RSRP1: variants seen among roughly 807,000 people sequenced by gnomAD.
RSRP1 encodes the protein arginine/serine-rich protein 1.
A neutral mutation model predicts 33.0 loss-of-function variants in RSRP1; 37 were observed. That is an observed-to-expected ratio of 1.12 (90% CI 0.86 to 1.48). RSRP1 has a LOEUF of 1.48. RSRP1 is among the 40% of genes most tolerant of loss of function. The pLI, the probability that RSRP1 is intolerant of heterozygous loss-of-function variation, is 0.00. For synonymous variants in RSRP1, 167 were observed against 158.7 expected (o/e 1.05, Z -0.40); for missense variants, 402 against 385.3 (o/e 1.04, Z -0.36).
intron 1 of RSRP1, chr1:25,267,950 C>A (rs1267719633): frequency 1.5e-5 from 2 of 133,332 alleles, no homozygotes; most frequent in African/African-American, 5.1e-5. Context: ...CCTCCGGACC[C>A]GGCGCCCCGC....
intron 1 of RSRP1, among the ~76,000 whole-genome samples, chr1:25,310,073 C>T (rs550679763): frequency 1.5e-5 from 2 of 132,374 alleles, no homozygotes; most frequent in East Asian, 2.0e-4. Context: ...CTTCTGATAT[C>T]CCCACATAAC....
Position 25,305,854 on chromosome 1 carries a change from G to A in RSRP1, c.-67+32124C>T, listed in dbSNP as rs1283208423. Among the ~76,000 whole-genome samples the A allele has an allele frequency of 2.3e-5, 3 of 130,808 alleles. 1 individual carries two copies. The highest frequency in any genetic ancestry group is 5.4e-5 in the Non-Finnish European group (3 of 55,580). 85.8% of individuals were successfully genotyped at this position (130,808 alleles called of 152,430 possible). A position where few individuals can be genotyped will look rare whatever the true frequency, so the allele number is the denominator to read the frequency against. On this transcript the variant is annotated intron_variant, in intron 1 of 1. Transcript: ENST00000561867. ...CGACTTCAGGTGATCCACCCATGTC[G>A]GCCTCCCAAAGTGCTGGGATTACAG...
chr1:25,266,065 T>C lies in RSRP1; in HGVS notation c.-66-19036A>G, dbSNP rs1314630083. On this transcript the variant is annotated intron_variant, in intron 1 of 1. Coordinates refer to the RSRP1 transcript ENST00000561867. ...AATATACCACAATAATGAAAGCCATTAATTATAGGGAAAATGGAGGGGTTA... is the reference window on the plus strand; with the variant it reads ...AATATACCACAATAATGAAAGCCATCAATTATAGGGAAAATGGAGGGGTTA... 3 of 123,534 alleles carry C rather than the reference T, an allele frequency of 2.4e-5. 1 individual carries two copies. Among genetic ancestry groups the C allele is most frequent in the Middle Eastern group, 3.9e-3 (1 of 256 alleles). The allele number at this position is 123,534 out of a possible 1,614,324, so 7.7% of individuals were successfully genotyped here. A position where few individuals can be genotyped will look rare whatever the true frequency, so the allele number is the denominator to read the frequency against.
rs1351366827 is a variant in RSRP1, at chr1:25,293,919, T to A, written c.-67+44059A>T. Among the ~76,000 whole-genome samples, 3 of 131,920 alleles carry A rather than the reference T, an allele frequency of 2.3e-5. 1 individual carries two copies. The highest frequency in any genetic ancestry group is 3.6e-5 in the Non-Finnish European group (2 of 55,996). The allele number at this position is 131,920 out of a possible 152,430, so 86.5% of individuals were successfully genotyped here. The stretch of plus-strand genomic sequence containing the variant: ...ATGTTTAGTTATATTGTGAGTCTTA[T>A]AAGAAGCTGGGAGGCAACCCCATTA... On this transcript the variant is annotated intron_variant, in intron 1 of 1. Coordinates refer to the RSRP1 transcript ENST00000561867.
intron 1 of RSRP1, among the ~76,000 whole-genome samples, chr1:25,261,612 G>T: frequency 6.6e-6 from 1 of 151,318 alleles, no homozygotes; most frequent in African/African-American, 2.4e-5. Context: ...CACCATGTTA[G>T]CCAGGATGGT....
At position 25,267,932 on chromosome 1, in the gene RSRP1, C is replaced by G. The variant is rs1473682407; in HGVS notation, c.-66-20903G>C. The stretch of plus-strand genomic sequence containing the variant: ...TGCGCAGACGCGTTGTTGTGGTGGG[C>G]GTGGCTCCCTCCGGACCCGGCGCCC... On this transcript the variant is annotated intron_variant, in intron 1 of 1. Transcript: ENST00000561867. The G allele has an allele frequency of 1.5e-5, 2 of 132,954 alleles. 1 individual carries two copies. The highest frequency in any genetic ancestry group is 3.6e-5 in the Non-Finnish European group (2 of 56,020). 8.2% of individuals were successfully genotyped at this position (132,954 alleles called of 1,614,324 possible).
chr1:25,258,731 T>C (rs1256283690), intron 1 of RSRP1, among the ~76,000 whole-genome samples: 1 of 152,228 alleles, frequency 6.6e-6, no homozygotes, highest in Non-Finnish European at 1.5e-5. Flanking sequence ...CCAAATACTT[T>C]GAGTATTAAA....
At chr1:25,257,515 T>C (rs1260316472) in intron 1 of RSRP1, among the ~76,000 whole-genome samples, 4 of 152,020 alleles carry the variant, frequency 2.6e-5, no homozygotes, top group Non-Finnish European at 5.9e-5. Flanking sequence ...CATTTTAGAA[T>C]TTGGGGATAG....
At chr1:25,333,854 T>C (rs1339721611) in intron 1 of RSRP1, among the ~76,000 whole-genome samples, 1 of 130,818 alleles carries the variant, frequency 7.6e-6, no homozygotes, top group Admixed American at 7.4e-5. Context: ...GTTAGACTTA[T>C]CACTATCACG....
At chr1:25,245,382 A>C in intron 2 of RSRP1, 81 bp from the exon 3 acceptor site, 1 of 1,457,212 alleles carries the variant, frequency 6.9e-7, no homozygotes, top group Non-Finnish European at 9.2e-7. Context: ...TACACAATAA[A>C]TATGTTATTT....
chr1:25,314,285 C>T (rs1644318127), intron 1 of RSRP1, among the ~76,000 whole-genome samples: 1 of 132,708 alleles, frequency 7.5e-6, no homozygotes, highest in South Asian at 2.3e-4. Flanking sequence ...AGCAATCAAA[C>T]CTATTGTTTA....
intron 1 of RSRP1, among the ~76,000 whole-genome samples, chr1:25,263,314 T>C (rs1640217324): frequency 6.6e-6 from 1 of 152,024 alleles, no homozygotes; most frequent in African/African-American, 2.4e-5. Context: ...TGAAAAGCCA[T>C]TGTATTAGTC....
intron 1 of RSRP1, among the ~76,000 whole-genome samples, chr1:25,333,365 C>G (rs1218697838): frequency 2.3e-5 from 3 of 130,102 alleles, no homozygotes; most frequent in Non-Finnish European, 3.6e-5. Flanking sequence ...GGCTGCTATG[C>G]AAGACAGTGT....
At chr1:25,280,408 C>T (rs1330709993) in intron 1 of RSRP1, among the ~76,000 whole-genome samples, 1 of 125,874 alleles carries the variant, frequency 7.9e-6, no homozygotes, top group East Asian at 2.0e-4. Context: ...TGGGTTCAAG[C>T]GATTCTCCTG....
At chr1:25,262,169 T>C (rs1008103914) in intron 1 of RSRP1, among the ~76,000 whole-genome samples, 78 of 152,200 alleles carry the variant, frequency 5.1e-4, no homozygotes, top group Admixed American at 5.1e-3. Flanking sequence ...TAATCTGTAG[T>C]CTGACTAAAC....
intron 2 of RSRP1, 114 bp downstream of exon 2, chr1:25,246,330 T>A (rs1639387856): frequency 6.8e-7 from 1 of 1,478,604 alleles, no homozygotes; most frequent in Non-Finnish European, 9.1e-7. Context: ...TCCAAAAAGA[T>A]TTCGGGCACT....
At chr1:25,318,924 C>G (rs1644555097) in intron 1 of RSRP1, among the ~76,000 whole-genome samples, 1 of 132,850 alleles carries the variant, frequency 7.5e-6, no homozygotes, top group Admixed American at 7.3e-5. Flanking sequence ...TATACCATGT[C>G]TGGCCTTAGC....
chr1:25,279,086 G>A (rs1399270132), intron 1 of RSRP1, among the ~76,000 whole-genome samples: 3 of 128,932 alleles, frequency 2.3e-5, no homozygotes, highest in East Asian at 3.9e-4. Context: ...GCAGCTGACC[G>A]GAGGAGGCAG....
At position 25,300,800 on chromosome 1, in the gene RSRP1, G is replaced by T. The variant is rs1571666037; in HGVS notation, c.-67+37178C>A. 3 of 931,800 alleles carry T rather than the reference G, an allele frequency of 3.2e-6. 1 individual carries two copies. In the South Asian group the frequency reaches 4.0e-5, roughly 13 times the overall value. The allele number at this position is 931,800 out of a possible 1,614,324, so 57.7% of individuals were successfully genotyped here. On this transcript the variant is annotated intron_variant, in intron 1 of 1. Transcript: ENST00000561867. The stretch of plus-strand genomic sequence containing the variant: ...CTCCAGCCTGGGCAGAGCCTGCTGG[G>T]TTGGGCTGGGTAAGCTCTGAACACC...
Sources: allele counts gnomAD v4.1 joint callset (sites outside exome capture counted in the v4.1 genomes callset), GRCh38; gene constraint gnomAD v4.1.1; transcripts MANE v1.5; gene names NCBI Gene and HGNC (gene_info 2026-07-23, HGNC 2026-07-21).